The following LIPC variants were observed in gnomAD, a reference collection of about 807,000 sequenced individuals.
LIPC encodes the protein hepatic triacylglycerol lipase.
A neutral mutation model predicts 50.7 loss-of-function variants in LIPC; 44 were observed. That is an observed-to-expected ratio of 0.87 (90% CI 0.68 to 1.11). The LOEUF (loss-of-function observed/expected upper bound fraction) is 1.11. Ranked by LOEUF, LIPC falls within the 50% of genes most tolerant of loss-of-function variation. The pLI is 0.00. For missense variants in LIPC, 697 were observed against 648.2 expected (o/e 1.08, Z -0.82); for synonymous variants, 271 against 256.4 (o/e 1.06, Z -0.54).
intron 1 of LIPC, among the ~76,000 whole-genome samples, chr15:58,462,816 G>A (rs1449448748): frequency 3.9e-5 from 6 of 152,140 alleles, no homozygotes; most frequent in Admixed American, 2.6e-4. Context: ...CTGGCCTCTC[G>A]GCAGAGGGGG....
Position 58,563,679 on chromosome 15 carries a change from C to T in LIPC, c.1344C>T (p.Leu448=), listed in dbSNP as rs764114550. 5.0e-6 allele frequency: 8 copies of T among 1,613,854 alleles called. No individual in the cohort carries two copies. The highest frequency in any genetic ancestry group is 3.3e-5 in the South Asian group (3 of 91,054). ...GCACAGGGCCGCGCCACTCAGGCCT[C>T]GTTCTGAAGACGATCAGAGTCAAAG... ...PWSTGPRHSG[L]VLKTIRVKAG... is the part of the protein sequence containing the mutation. The change falls in exon 8 of 9, where the codon CTC becomes CTT. Residue 448 remains leucine (L), a synonymous_variant. Coordinates refer to ENST00000299022, the MANE Select transcript of LIPC (RefSeq NM_000236.3).
chr15:58,524,018 T>A (rs1227500992), intron 1 of LIPC, among the ~76,000 whole-genome samples: 1 of 152,184 alleles, frequency 6.6e-6, no homozygotes, highest in Non-Finnish European at 1.5e-5. Context: ...TAAAATAGAA[T>A]AGATTTGCAA....
Position 58,535,544 on chromosome 15 carries a change from G to A in LIPC, c.89-2789G>A, listed in dbSNP as rs150073163. 3.9e-5 allele frequency among the ~76,000 whole-genome samples: 6 copies of A among 152,296 alleles called. No homozygotes were observed. In the East Asian group the frequency reaches 7.7e-4, roughly 20 times the overall value. On this transcript the variant is annotated intron_variant, in intron 1 of 8. Coordinates refer to ENST00000299022, the MANE Select transcript of LIPC (RefSeq NM_000236.3). ...AAGCCTCAGCCACCTGGGCTGGAGCGTATCTCACAGCTAAATCCAGAGTAA... is the reference window on the plus strand; with the variant it reads ...AAGCCTCAGCCACCTGGGCTGGAGCATATCTCACAGCTAAATCCAGAGTAA...
intron 1 of LIPC, among the ~76,000 whole-genome samples, chr15:58,504,328 T>G (rs1474130134): frequency 6.6e-6 from 1 of 152,222 alleles, no homozygotes; most frequent in Non-Finnish European, 1.5e-5. Context: ...TCATTCTGAA[T>G]TTATCTTTAT....
rs543031828 is a variant in LIPC, at chr15:58,562,329, G to A, written c.1170-1176G>A. Among the ~76,000 whole-genome samples, 61 of 152,344 alleles carry A rather than the reference G, an allele frequency of 4.0e-4. No homozygotes were observed. In the Middle Eastern group the frequency reaches 0.01, roughly 25 times the overall value. Reference sequence around the variant, plus strand: ...CACTAGGGCCTGCAGTGCAGAGGCAGGTGGTGAGGGGCGGAGCAGGTGTTC... The same window carrying A: ...CACTAGGGCCTGCAGTGCAGAGGCAAGTGGTGAGGGGCGGAGCAGGTGTTC... On this transcript the variant is annotated intron_variant, in intron 7 of 8. Coordinates refer to ENST00000299022, the MANE Select transcript of LIPC (RefSeq NM_000236.3).
rs765717037 is a variant in LIPC, at chr15:58,538,327, T to C, written c.89-6T>C. 1.2e-6 allele frequency: 2 copies of C among 1,614,098 alleles called. No homozygotes were observed. Among genetic ancestry groups the C allele is most frequent in the Non-Finnish European group, 1.7e-6 (2 of 1,179,954 alleles). On this transcript the variant is annotated splice_polypyrimidine_tract_variant and splice_region_variant and intron_variant, in intron 1 of 8. Coordinates refer to ENST00000299022, the MANE Select transcript of LIPC (RefSeq NM_000236.3). ...GCTAAGCACCGTCCCCAATCTTATA[T>C]TGCAGAGCCATTTGGAAGAAGAGCT...
chr15:58,466,087 C>T (rs1894552703), intron 1 of LIPC, among the ~76,000 whole-genome samples: 1 of 152,220 alleles, frequency 6.6e-6, no homozygotes, highest in African/African-American at 2.4e-5. Context: ...TGTGATTTCA[C>T]TGTGAAGTCC....
intron 1 of LIPC, chr15:58,522,771 T>G (rs187277120): frequency 1.3e-5 from 2 of 152,458 alleles, no homozygotes; most frequent in African/African-American, 4.8e-5. Flanking sequence ...CGGGGCTCTG[T>G]CCCCTTGCAG....
chr15:58,487,951 C>T (rs187045825), intron 1 of LIPC, among the ~76,000 whole-genome samples: 6 of 152,296 alleles, frequency 3.9e-5, no homozygotes, highest in Non-Finnish European at 4.4e-5. Context: ...CAAGCCACTA[C>T]TCAACTCTGA....
intron 1 of LIPC, among the ~76,000 whole-genome samples, chr15:58,507,940 A>G (rs1244922947): frequency 6.6e-6 from 1 of 152,180 alleles, no homozygotes; most frequent in Non-Finnish European, 1.5e-5. Context: ...ATGGCCATGG[A>G]CGAAGTCTGT....
At chr15:58,563,349 T>A (rs1894233344) in intron 7 of LIPC, among the ~76,000 whole-genome samples, 156 bp from the exon 8 acceptor site, 1 of 152,212 alleles carries the variant, frequency 6.6e-6, no homozygotes, top group African/African-American at 2.4e-5. Context: ...GCACACCTAC[T>A]GCTAACTCTA....
chr15:58,545,011 C>G (rs1893473225), intron 4 of LIPC, among the ~76,000 whole-genome samples: 1 of 152,158 alleles, frequency 6.6e-6, no homozygotes, highest in Non-Finnish European at 1.5e-5. Flanking sequence ...CGCGGCTGTT[C>G]TGGACGTTCT....
chr15:58,565,038 C>T, intron 8 of LIPC: 1 of 657,154 alleles, frequency 1.5e-6, no homozygotes. Context: ...TCCGTCACCC[C>T]CTGGGTTTCA....
intron 1 of LIPC, among the ~76,000 whole-genome samples, chr15:58,505,374 T>G (rs1321737121): frequency 6.6e-6 from 1 of 152,230 alleles, no homozygotes; most frequent in African/African-American, 2.4e-5. Context: ...AAAAGATTCA[T>G]GTACTTTATA....
At chr15:58,449,955 G>A (rs1178359024) in intron 1 of LIPC, among the ~76,000 whole-genome samples, 2 of 152,184 alleles carry the variant, frequency 1.3e-5, no homozygotes, top group Non-Finnish European at 2.9e-5. Flanking sequence ...ATATTCTAAT[G>A]TCCTCCGAGG....
intron 1 of LIPC, among the ~76,000 whole-genome samples, chr15:58,459,395 T>TCCAAAAAAGAA (rs1894254143): frequency 2.7e-5 from 3 of 112,960 alleles, no homozygotes; most frequent in African/African-American, 9.7e-5. Context: ...ATCGACTTTT[T>TCCAAAAAAGAA]TCTTTCTTTT....
intron 1 of LIPC, among the ~76,000 whole-genome samples, chr15:58,465,594 C>A (rs952419022): frequency 6.7e-6 from 1 of 149,726 alleles, no homozygotes; most frequent in Non-Finnish European, 1.5e-5. Context: ...GGGTCAGAAC[C>A]GTAACATAAC....
Position 58,559,322 on chromosome 15 carries a change from A to AGT in LIPC, c.1052-1541_1052-1540dup, listed in dbSNP as rs140789096. ...ATACGTCACCCCCAAGCAAACCATC[A>AGT]GTTCATTCATCCCACAAAAGTTTAT... On this transcript the variant is annotated intron_variant, in intron 6 of 8. Coordinates refer to ENST00000299022, the MANE Select transcript of LIPC (RefSeq NM_000236.3). Among the ~76,000 whole-genome samples the AGT allele has an allele frequency of 7.3e-3, 1,111 of 152,342 alleles. 14 individuals are homozygous for AGT. Among genetic ancestry groups the AGT allele is most frequent in the African/African-American group, 0.026 (1,061 of 41,574 alleles).
chr15:58,517,350 G>A lies in LIPC; in HGVS notation c.89-20983G>A, dbSNP rs960807791. 3.9e-5 allele frequency among the ~76,000 whole-genome samples: 6 copies of A among 152,232 alleles called. No homozygotes were observed. In the East Asian group the frequency reaches 5.8e-4, roughly 15 times the overall value. ...GGCACAGCACATTGAGCTCAACAAC[G>A]TTCTATCAGACTGATGTTGCCATAA... On this transcript the variant is annotated intron_variant, in intron 1 of 8. Coordinates refer to ENST00000299022, the MANE Select transcript of LIPC (RefSeq NM_000236.3).
Sources: allele counts gnomAD v4.1 joint callset (sites outside exome capture counted in the v4.1 genomes callset), GRCh38; gene constraint gnomAD v4.1.1; transcripts MANE v1.5; gene names NCBI Gene and HGNC (gene_info 2026-07-23, HGNC 2026-07-21).